Variants in NFIB observed in about 807,000 individuals in gnomAD.
NFIB encodes nuclear factor 1 B-type.
Under a neutral mutation model 61.5 loss-of-function variants are expected in NFIB, and 11 were observed. The observed-to-expected ratio is 0.18, with a 90% CI of 0.11 to 0.30. The LOEUF (loss-of-function observed/expected upper bound fraction) is 0.30, where lower values mean the gene tolerates loss of function less well. Ranked by LOEUF, NFIB falls within the 10% of genes least tolerant of loss-of-function variation. The probability of loss-of-function intolerance (pLI) is 1.00; values close to 1 mark genes in which losing one functional copy is unlikely to be tolerated. For synonymous variants in NFIB, 260 were observed against 216.5 expected (o/e 1.20, Z -1.76); for missense variants, 471 against 608.9 (o/e 0.77, Z 2.38).
chr9:14,314,045 C>T lies in NFIB; in HGVS notation c.-534G>A. On this transcript the variant is annotated 5_prime_UTR_variant, in exon 1 of 11. Coordinates refer to ENST00000380953, the MANE Select transcript of NFIB (RefSeq NM_001190737.2). ...CGCTGGGAAAGTTCAAGGTTACAGC[C>T]CCAAGCACTGCGGCAGGATCCCGGA... 6 of 1,066,582 alleles carry T rather than the reference C, an allele frequency of 5.6e-6. No individual in the cohort carries two copies. The highest frequency in any genetic ancestry group is 5.7e-6 in the Non-Finnish European group (5 of 880,834). The allele number at this position is 1,066,582 out of a possible 1,614,324, so 66.1% of individuals were successfully genotyped here. A position where few individuals can be genotyped will look rare whatever the true frequency, so the allele number is the denominator to read the frequency against.
intron 1 of NFIB, among the ~76,000 whole-genome samples, chr9:14,310,494 C>A (rs1393537545): frequency 1.3e-5 from 2 of 152,072 alleles, no homozygotes; most frequent in African/African-American, 2.4e-5. Context: ...ACACTAGAGT[C>A]TTAAAGATTA....
chr9:14,325,053 T>C (rs1184891564), intron 1 of NFIB, among the ~76,000 whole-genome samples: 2 of 152,228 alleles, frequency 1.3e-5, no homozygotes, highest in Middle Eastern at 3.4e-3. Flanking sequence ...TAAATAAATA[T>C]GCAAAAAACT....
chr9:14,426,710 G>A, the NFIB span, among the ~76,000 whole-genome samples: 1 of 152,136 alleles, frequency 6.6e-6, no homozygotes, highest in South Asian at 2.1e-4. Context: ...GGAGCACCCA[G>A]GAGGACATTC....
chr9:14,168,024 G>C (rs1001655059), intron 3 of NFIB, among the ~76,000 whole-genome samples: 1 of 152,170 alleles, frequency 6.6e-6, no homozygotes, highest in Non-Finnish European at 1.5e-5. Context: ...TGCTACATAA[G>C]ATGAGGAGTT....
intron 3 of NFIB, among the ~76,000 whole-genome samples, chr9:14,177,413 G>A (rs888755014): frequency 3.3e-5 from 5 of 151,854 alleles, no homozygotes; most frequent in South Asian, 2.1e-4. Context: ...AATTTATTTC[G>A]AAGTATTACA....
intron 6 of NFIB, among the ~76,000 whole-genome samples, chr9:14,139,154 A>G (rs1208394439): frequency 1.3e-5 from 2 of 152,184 alleles, no homozygotes. Flanking sequence ...ACAGAAAATG[A>G]AAAAAATCCC....
chr9:14,173,112 T>C lies in NFIB; in HGVS notation c.616+6615A>G, dbSNP rs559223092. ...CTGCAGGAAGCCTTCTTGATCAAAC[T>C]AGCTGAAGAGAAAGTAGAATGAAAA... On this transcript the variant is annotated intron_variant, in intron 3 of 10. Coordinates refer to ENST00000380953, the MANE Select transcript of NFIB (RefSeq NM_001190737.2). 1.1e-4 allele frequency among the ~76,000 whole-genome samples: 16 copies of C among 152,332 alleles called. No individual in the cohort carries two copies. In the South Asian group the frequency reaches 3.3e-3, roughly 32 times the overall value.
upstream of NFIB, chr9:14,317,230 A>T (rs2060564484): frequency 6.6e-6 from 1 of 152,258 alleles, no homozygotes; most frequent in Admixed American, 6.5e-5. Flanking sequence ...ACTAGGTTGC[A>T]TCCAAAAGTT....
rs116710079 is a variant in NFIB at position 14,292,127 on chromosome 9, C to G, written c.562+14862G>C. 7.6e-3 allele frequency among the ~76,000 whole-genome samples: 1,162 copies of G among 152,218 alleles called. 15 individuals carry two copies. Among genetic ancestry groups the G allele is most frequent in the African/African-American group, 0.026 (1,079 of 41,538 alleles). The stretch of plus-strand genomic sequence containing the variant: ...TTCTATTTTCCTTTAAAAATTGCTG[C>G]CATGTTTTCACGAAATAATAACCTT... On this transcript the variant is annotated intron_variant, in intron 2 of 10. Coordinates refer to ENST00000380953, the MANE Select transcript of NFIB (RefSeq NM_001190737.2).
chr9:14,438,408 G>A, the NFIB span, among the ~76,000 whole-genome samples: 4 of 152,132 alleles, frequency 2.6e-5, no homozygotes, highest in Admixed American at 2.6e-4. Flanking sequence ...AAACACCAGA[G>A]AACAACGCAT....
At chr9:14,343,078 G>A (rs924561136) in intron 1 of NFIB, among the ~76,000 whole-genome samples, 1 of 152,120 alleles carries the variant, frequency 6.6e-6, no homozygotes, top group African/African-American at 2.4e-5. Flanking sequence ...GTGGCGAGGG[G>A]ATGCCACCAT....
At chr9:14,352,925 G>C (rs565809013) in intron 1 of NFIB, among the ~76,000 whole-genome samples, 2 of 152,330 alleles carry the variant, frequency 1.3e-5, no homozygotes, top group Admixed American at 1.3e-4. Flanking sequence ...TATAGGGGCA[G>C]GGTTAGGAGT....
chr9:14,138,846 T>C (rs1168081780), intron 6 of NFIB, among the ~76,000 whole-genome samples: 1 of 152,156 alleles, frequency 6.6e-6, no homozygotes, highest in African/African-American at 2.4e-5. Flanking sequence ...CAGTTTATTT[T>C]AGTTGAAAAA....
rs1230357184 is a variant in NFIB at position 14,085,345 on chromosome 9, A to AT, written c.*2963dup. 4.4e-6 allele frequency: 1 copy of AT among 225,362 alleles called. No homozygotes were observed. The highest frequency in any genetic ancestry group is 2.2e-5 in the African/African-American group (1 of 44,874). The allele number at this position is 225,362 out of a possible 1,614,324, so 14.0% of individuals were successfully genotyped here. A position where few individuals can be genotyped will look rare whatever the true frequency, so the allele number is the denominator to read the frequency against. The stretch of plus-strand genomic sequence containing the variant: ...TACCATGTGTCACCAATTCTGAAAG[A>AT]TTTTCCTTCTAGTAATGAATACACT... On this transcript the variant is annotated 3_prime_UTR_variant, in exon 11 of 11. Transcript: ENST00000380953.
chr9:14,368,808 G>C (rs1271198835), intron 1 of NFIB, among the ~76,000 whole-genome samples: 1 of 152,150 alleles, frequency 6.6e-6, no homozygotes, highest in Non-Finnish European at 1.5e-5. Flanking sequence ...GTTTGACAAA[G>C]GAAAGGAGAT....
At chr9:14,284,314 C>G (rs1006286481) in intron 2 of NFIB, among the ~76,000 whole-genome samples, 1 of 152,128 alleles carries the variant, frequency 6.6e-6, no homozygotes, top group East Asian at 1.9e-4. Context: ...GGATTGCTGT[C>G]TTTCAGAAGA....
At chr9:14,432,092 A>G in the NFIB span, among the ~76,000 whole-genome samples, 4 of 152,134 alleles carry the variant, frequency 2.6e-5, no homozygotes, top group Non-Finnish European at 4.4e-5. Context: ...CTTGTATGCT[A>G]CATATATCTC....
intron 1 of NFIB, among the ~76,000 whole-genome samples, chr9:14,394,297 A>AAAAC (rs917113663): frequency 3.5e-4 from 54 of 152,306 alleles, no homozygotes; most frequent in African/African-American, 1.1e-3. Context: ...TTCTTGAGCC[A>AAAAC]AAACAAACAA....
At chr9:14,355,233 A>C (rs1352605660) in intron 1 of NFIB, among the ~76,000 whole-genome samples, 1 of 152,172 alleles carries the variant, frequency 6.6e-6, no homozygotes, top group African/African-American at 2.4e-5. Context: ...GTGGGCCCTA[A>C]TCCAGTATGA....
Sources: allele counts gnomAD v4.1 joint callset (sites outside exome capture counted in the v4.1 genomes callset), GRCh38; gene constraint gnomAD v4.1.1; transcripts MANE v1.5; gene names NCBI Gene and HGNC (gene_info 2026-07-23, HGNC 2026-07-21).